Variants in SLC41A2 observed in about 807,000 individuals in gnomAD.
SLC41A2 encodes the protein SLC41A1-like 1.
Under a neutral mutation model 58.3 loss-of-function variants are expected in SLC41A2, and 32 were observed. That is an observed-to-expected ratio of 0.55 (90% CI 0.41 to 0.74). The LOEUF is 0.74. Ranked by LOEUF, SLC41A2 falls within the 30% of genes least tolerant of loss-of-function variation. SLC41A2 has a pLI of 0.00. For missense variants in SLC41A2, 514 were observed against 680.6 expected, an observed-to-expected ratio of 0.76 and a Z score of 2.72; for synonymous variants, 190 against 235.0, an observed-to-expected ratio of 0.81 and a Z score of 1.75.
At chr12:104,833,287 G>C (rs2042100563) in intron 10 of SLC41A2, among the ~76,000 whole-genome samples, 1 of 152,286 alleles carries the variant, frequency 6.6e-6, no homozygotes, top group African/African-American at 2.4e-5. Context: ...TCCTGAAGTA[G>C]CCAATTAGGA....
chr12:104,824,017 C>G (rs867710368), intron 10 of SLC41A2, among the ~76,000 whole-genome samples: 3 of 152,054 alleles, frequency 2.0e-5, no homozygotes, highest in Non-Finnish European at 4.4e-5. Context: ...AACATTGATA[C>G]GGAAGTGCCA....
chr12:104,822,861 GA>G (rs2041692236), intron 10 of SLC41A2, among the ~76,000 whole-genome samples: 1 of 151,896 alleles, frequency 6.6e-6, no homozygotes, highest in Non-Finnish European at 1.5e-5. Context: ...AAAAGGTTAA[GA>G]AAACAAAACA....
At chr12:104,871,865 T>A (rs2043797028) in intron 6 of SLC41A2, among the ~76,000 whole-genome samples, 1 of 152,098 alleles carries the variant, frequency 6.6e-6, no homozygotes, top group Non-Finnish European at 1.5e-5. Context: ...TATATCCTCA[T>A]AAGAGAAGGT....
intron 10 of SLC41A2, among the ~76,000 whole-genome samples, chr12:104,818,607 G>A (rs750258481): frequency 1.8e-4 from 27 of 152,226 alleles, no homozygotes; most frequent in Non-Finnish European, 2.6e-4. Context: ...AGCCGGGTGC[G>A]GTGGCTCATA....
Position 104,845,295 on chromosome 12 carries a change from A to G in SLC41A2, c.1387+548T>C, listed in dbSNP as rs547098074. On this transcript the variant is annotated intron_variant, in intron 9 of 10. Transcript: ENST00000258538. ...AACAGAGCAAAGCCCTGTCTCAACAACAACAAAAAATTTTCTAAAACAAAA... is the reference window on the plus strand; with the variant it reads ...AACAGAGCAAAGCCCTGTCTCAACAGCAACAAAAAATTTTCTAAAACAAAA... 2.0e-5 allele frequency among the ~76,000 whole-genome samples: 3 copies of G among 152,330 alleles called. No individual in the cohort carries two copies. In the East Asian group the frequency reaches 5.8e-4, roughly 29 times the overall value.
At chr12:104,927,598 C>A (rs1400208193) in intron 2 of SLC41A2, among the ~76,000 whole-genome samples, 2 of 151,968 alleles carry the variant, frequency 1.3e-5, no homozygotes, top group Non-Finnish European at 2.9e-5. Flanking sequence ...ATAGGAGAAA[C>A]TTCATGTTTT....
intron 8 of SLC41A2, among the ~76,000 whole-genome samples, chr12:104,855,134 T>C (rs2042973011): frequency 6.6e-6 from 1 of 152,246 alleles, no homozygotes; most frequent in Non-Finnish European, 1.5e-5. Context: ...GTCATTCTAA[T>C]TCTTTTCTTT....
intron 1 of SLC41A2, among the ~76,000 whole-genome samples, chr12:104,930,540 C>T (rs2047012571): frequency 6.6e-6 from 1 of 152,088 alleles, no homozygotes; most frequent in Admixed American, 6.5e-5. Context: ...GCAAAACAAA[C>T]CCCAAAGAGA....
chr12:104,941,637 C>G (rs1593182582), intron 1 of SLC41A2, among the ~76,000 whole-genome samples: 1 of 152,168 alleles, frequency 6.6e-6, no homozygotes, highest in Non-Finnish European at 1.5e-5. Context: ...AATAAATATG[C>G]TATGTGTCCA....
At chr12:104,896,991 TG>T (rs549321177) in intron 3 of SLC41A2, among the ~76,000 whole-genome samples, 136 of 152,256 alleles carry the variant, frequency 8.9e-4, no homozygotes, top group Non-Finnish European at 1.5e-3. Flanking sequence ...GGGCTTCAGG[TG>T]GCTTCACTGA....
At chr12:104,869,390 C>G (rs1023836265) in intron 6 of SLC41A2, among the ~76,000 whole-genome samples, 1 of 152,042 alleles carries the variant, frequency 6.6e-6, no homozygotes, top group Non-Finnish European at 1.5e-5. Context: ...GATATACACA[C>G]GTACATAGAC....
intron 1 of SLC41A2, among the ~76,000 whole-genome samples, chr12:104,948,929 C>T (rs892400402): frequency 1.3e-5 from 2 of 152,134 alleles, no homozygotes; most frequent in African/African-American, 4.8e-5. Flanking sequence ...AATAAATGAA[C>T]AAATACGGCT....
At chr12:104,840,256 T>C (rs1017109233) in intron 10 of SLC41A2, among the ~76,000 whole-genome samples, 1 of 152,196 alleles carries the variant, frequency 6.6e-6, no homozygotes, top group African/African-American at 2.4e-5. Context: ...TCCGAGTAAG[T>C]AGATGTGAAG....
chr12:104,919,364 G>A (rs899521276), intron 2 of SLC41A2, among the ~76,000 whole-genome samples: 4 of 152,184 alleles, frequency 2.6e-5, no homozygotes, highest in African/African-American at 9.7e-5. Context: ...AAATGCCCAG[G>A]AATGCAGTTG....
intron 2 of SLC41A2, among the ~76,000 whole-genome samples, chr12:104,923,204 C>CAAAAAAA: frequency 1.9e-5 from 2 of 108,060 alleles, no homozygotes; most frequent in South Asian, 2.8e-4. Context: ...CTACTAAAAG[C>CAAAAAAA]ACAAAAAATT....
chr12:104,904,657 G>A (rs1241522547), intron 3 of SLC41A2, among the ~76,000 whole-genome samples: 2 of 151,918 alleles, frequency 1.3e-5, no homozygotes, highest in South Asian at 2.1e-4. Context: ...AGATGTGTTC[G>A]GAGTTTCTTC....
chr12:104,899,694 A>T (rs768789616), intron 3 of SLC41A2, among the ~76,000 whole-genome samples: 1 of 152,136 alleles, frequency 6.6e-6, no homozygotes. Context: ...AGATTTCTTT[A>T]TAAGTTTCCA....
chr12:104,806,813 C>T (rs376826773), intron 10 of SLC41A2, among the ~76,000 whole-genome samples: 3,711 of 151,948 alleles, frequency 0.024, 98 homozygotes, highest in East Asian at 0.15. Context: ...CTCTGATGGC[C>T]AGTGATGATG....
chr12:104,844,077 G>C (rs2042517287), intron 10 of SLC41A2, among the ~76,000 whole-genome samples: 1 of 152,078 alleles, frequency 6.6e-6, no homozygotes, highest in African/African-American at 2.4e-5. Flanking sequence ...ACTGAAGAAG[G>C]TACCAAATCT....
Sources: gnomAD v4.1 joint callset for allele counts (sites outside exome capture counted in the v4.1 genomes callset) on GRCh38, gnomAD v4.1.1 for gene constraint, MANE v1.5 for transcripts, NCBI Gene and HGNC (gene_info 2026-07-23, HGNC 2026-07-21) for gene names.